Variants in LMBR1 observed in about 807,000 individuals in gnomAD.
LMBR1 encodes the protein limb development membrane protein 1, also known as limb region 1 protein homolog.
In LMBR1, 52 loss-of-function variants were observed where a neutral mutation model predicts 73.9. The ratio of observed to expected loss-of-function variants is 0.70; its 90% CI spans 0.56 to 0.89. LMBR1 has a LOEUF of 0.89. Among genes scored for constraint, LMBR1 ranks in the 40% least tolerant of loss-of-function variants. LMBR1 has a pLI of 0.00. For synonymous variants in LMBR1, 215 were observed against 209.4 expected (o/e 1.03, Z -0.23); for missense variants, 539 against 579.8 (o/e 0.93, Z 0.72).
rs533691058 is a variant in LMBR1, at chr7:156,831,934, T to C, written c.179+1819A>G. Among the ~76,000 whole-genome samples, 5 of 152,348 alleles carry C rather than the reference T, an allele frequency of 3.3e-5. No individual in the cohort carries two copies. The South Asian group carries it at 1.0e-3, about 32-fold the overall frequency. Reference sequence around the variant, plus strand: ...CCTAGAGGGTTTCACATGGAGAGAATATCTACCTTTTATTCAGTCTCTTAT... The same window carrying C: ...CCTAGAGGGTTTCACATGGAGAGAACATCTACCTTTTATTCAGTCTCTTAT... On this transcript the variant is annotated intron_variant, in intron 3 of 16. Coordinates refer to ENST00000353442, the MANE Select transcript of LMBR1 (RefSeq NM_022458.4).
intron 15 of LMBR1, among the ~76,000 whole-genome samples, chr7:156,698,829 T>A (rs1441396211): frequency 6.6e-6 from 1 of 152,204 alleles, no homozygotes; most frequent in East Asian, 1.9e-4. Context: ...AACATTCAGC[T>A]CCTCATTACT....
intron 1 of LMBR1, among the ~76,000 whole-genome samples, chr7:156,868,635 C>G (rs1189950513): frequency 6.6e-6 from 1 of 151,532 alleles, no homozygotes; most frequent in East Asian, 1.9e-4. Flanking sequence ...TGCCCTCCAG[C>G]TTGGGCAACA....
At chr7:156,724,234 A>C (rs1815235603) in intron 14 of LMBR1, 56 bp from the exon 15 acceptor site, 1 of 1,293,084 alleles carries the variant, frequency 7.7e-7, no homozygotes. Flanking sequence ...ATGACAATCA[A>C]ACCCAGTAAC....
chr7:156,852,083 A>G (rs1478517774), intron 1 of LMBR1, among the ~76,000 whole-genome samples: 1 of 152,214 alleles, frequency 6.6e-6, no homozygotes, highest in Non-Finnish European at 1.5e-5. Context: ...TGAGACTTTA[A>G]GAACACACCT....
intron 1 of LMBR1, among the ~76,000 whole-genome samples, chr7:156,852,868 C>T (rs973395630): frequency 6.6e-6 from 1 of 151,384 alleles, no homozygotes; most frequent in Non-Finnish European, 1.5e-5. Flanking sequence ...GATTAACTGC[C>T]AAAAAAGTAC....
At chr7:156,724,038 A>C in intron 15 of LMBR1, 74 bp downstream of exon 15, 1 of 1,033,182 alleles carries the variant, frequency 9.7e-7, no homozygotes, top group Non-Finnish European at 1.5e-6. Context: ...TTATGAGTAA[A>C]TGTTAAATAA....
intron 15 of LMBR1, among the ~76,000 whole-genome samples, chr7:156,717,501 G>A (rs932851670): frequency 6.6e-6 from 1 of 152,004 alleles, no homozygotes; most frequent in Admixed American, 6.5e-5. Flanking sequence ...GAAGCAGAGG[G>A]AAAAAGAGAG....
chr7:156,687,244 C>T (rs1226484194), intron 16 of LMBR1, among the ~76,000 whole-genome samples: 1 of 152,158 alleles, frequency 6.6e-6, no homozygotes, highest in African/African-American at 2.4e-5. Context: ...ATCATGTCAA[C>T]TCAGGTAAAT....
chr7:156,798,924 TG>T (rs1244896379), intron 4 of LMBR1, among the ~76,000 whole-genome samples: 1 of 151,962 alleles, frequency 6.6e-6, no homozygotes, highest in African/African-American at 2.4e-5. Context: ...CCGGGCATGG[TG>T]GCTCATACCT....
rs2131643432 is a variant in LMBR1 at position 156,670,994 on chromosome 7, A to T, written n.867-1707T>A. On this transcript the variant is annotated intron_variant and non_coding_transcript_variant, in intron 4 of 4. Coordinates refer to the LMBR1 transcript ENST00000430825. The surrounding 1 kb of genome is among the most constrained non-coding windows in gnomAD (Gnocchi z 4.3). ...GAGAGCTTATGACAAAAATAACATA[A>T]AGCAGGAGAGGAAAATTAAGTATGC... Among the ~76,000 whole-genome samples the T allele has an allele frequency of 6.6e-6, 1 of 152,308 alleles. No homozygotes were observed. Among genetic ancestry groups the T allele is most frequent in the East Asian group, 1.9e-4 (1 of 5,192 alleles).
intron 1 of LMBR1, among the ~76,000 whole-genome samples, chr7:156,855,350 C>G (rs1390733018): frequency 2.6e-5 from 4 of 152,056 alleles, no homozygotes; most frequent in Non-Finnish European, 5.9e-5. Context: ...AGACTGAGAC[C>G]TAATCACAAG....
chr7:156,770,717 C>G (rs954995021), intron 5 of LMBR1, among the ~76,000 whole-genome samples: 3 of 152,008 alleles, frequency 2.0e-5, no homozygotes, highest in Non-Finnish European at 4.4e-5. Context: ...AGTTCAAGAC[C>G]AGCCTGGGCA....
chr7:156,846,212 T>G (rs1795458026), intron 1 of LMBR1, among the ~76,000 whole-genome samples: 1 of 152,094 alleles, frequency 6.6e-6, no homozygotes, highest in Admixed American at 6.6e-5. Context: ...AGTTCAAGGC[T>G]GCAGTGCACA....
intron 4 of LMBR1, among the ~76,000 whole-genome samples, chr7:156,808,199 A>G (rs2133564546): frequency 6.6e-6 from 1 of 152,298 alleles, no homozygotes; most frequent in South Asian, 2.1e-4. Flanking sequence ...TATTGAAAGA[A>G]GGGTGTTGAA....
At chr7:156,869,448 T>C (rs1321764333) in intron 1 of LMBR1, among the ~76,000 whole-genome samples, 2 of 152,068 alleles carry the variant, frequency 1.3e-5, no homozygotes, top group East Asian at 3.8e-4. Context: ...GTCTAACCTC[T>C]CAGGTGATAT....
chr7:156,685,366 C>T lies in LMBR1; in HGVS notation c.1388-1203G>A, dbSNP rs577514923. On this transcript the variant is annotated intron_variant, in intron 16 of 16. Transcript: ENST00000353442. This position sits in a 1 kb window ranked among gnomAD's most constrained non-coding sequence, Gnocchi z 4.1. Reference sequence around the variant, plus strand: ...AACACAGTCAGGTGTTGCCGAACAACAGGAATGCATTCTGAGAAATGCGCT... The same window carrying T: ...AACACAGTCAGGTGTTGCCGAACAATAGGAATGCATTCTGAGAAATGCGCT... Among the ~76,000 whole-genome samples, 16 of 152,314 alleles carry T rather than the reference C, an allele frequency of 1.1e-4. No individual in the cohort carries two copies. The highest frequency in any genetic ancestry group is 2.2e-4 in the Non-Finnish European group (15 of 68,026).
At chr7:156,885,226 G>A (rs1203314321) in intron 1 of LMBR1, among the ~76,000 whole-genome samples, 6 of 151,310 alleles carry the variant, frequency 4.0e-5, no homozygotes, top group Admixed American at 6.6e-5. Flanking sequence ...GGTGGCAGGC[G>A]CCTGTAATCC....
At chr7:156,762,834 TGTGTGA>T (rs893627125) in intron 7 of LMBR1, among the ~76,000 whole-genome samples, 37 of 106,148 alleles carry the variant, frequency 3.5e-4, no homozygotes, top group African/African-American at 7.5e-4. Context: ...TGTGTGAAAG[TGTGTGA>T]GTGTGAGTGT....
At chr7:156,783,478 C>T (rs77569816) in intron 5 of LMBR1, among the ~76,000 whole-genome samples, 3,005 of 152,272 alleles carry the variant, frequency 0.02, 85 homozygotes, top group African/African-American at 0.069. Context: ...TGTGTCCAAC[C>T]AACATCTTTC....
Sources: gnomAD v4.1 joint callset for allele counts (sites outside exome capture counted in the v4.1 genomes callset) on GRCh38, gnomAD v4.1.1 for gene constraint, Gnocchi (gnomAD v3.1) non-coding constraint, MANE v1.5 for transcripts, NCBI Gene and HGNC (gene_info 2026-07-23, HGNC 2026-07-21) for gene names.